The following ANXA1 variants were observed in gnomAD, a reference collection of about 807,000 sequenced individuals.
ANXA1 encodes the protein annexin A1.
Under a neutral mutation model 47.9 loss-of-function variants are expected in ANXA1, and 39 were observed. The observed-to-expected ratio is 0.81, with a 90% CI of 0.63 to 1.06. The LOEUF (loss-of-function observed/expected upper bound fraction) is 1.06. Among genes scored for constraint, ANXA1 ranks in the 50% least tolerant of loss-of-function variants. The pLI is 0.00. For missense variants in ANXA1, 446 were observed against 422.7 expected (o/e 1.06, Z -0.48); for synonymous variants, 146 against 142.5 (o/e 1.02, Z -0.17).
intron 1 of ANXA1, 73 bp from the exon 2 acceptor site, chr9:73,158,449 G>A (rs1824083650): frequency 1.8e-6 from 2 of 1,128,558 alleles, no homozygotes; most frequent in South Asian, 2.5e-5. Flanking sequence ...TCTTATGTAT[G>A]TAAGAGGTGA....
At chr9:73,155,413 T>G (rs1176119497) in intron 1 of ANXA1, among the ~76,000 whole-genome samples, 6 of 152,206 alleles carry the variant, frequency 3.9e-5, no homozygotes, top group African/African-American at 1.4e-4. Context: ...CTCATTGGCT[T>G]AGGCAGGTTT....
chr9:73,160,563 C>T (rs996888094), intron 5 of ANXA1, among the ~76,000 whole-genome samples, 187 bp downstream of exon 5: 1 of 152,080 alleles, frequency 6.6e-6, no homozygotes, highest in Non-Finnish European at 1.5e-5. Flanking sequence ...GGCACTAACA[C>T]CTTCCATGTC....
intron 10 of ANXA1, among the ~76,000 whole-genome samples, 157 bp downstream of exon 10, chr9:73,166,349 T>C (rs1824229922): frequency 6.6e-6 from 1 of 152,142 alleles, no homozygotes; most frequent in African/African-American, 2.4e-5. Flanking sequence ...CGTAAAAGAT[T>C]GGCAAAGTAC....
chr9:73,163,000 T>C (rs1824168898), intron 7 of ANXA1, 139 bp downstream of exon 7: 3 of 703,126 alleles, frequency 4.3e-6, no homozygotes, highest in Non-Finnish European at 7.0e-6. Flanking sequence ...AGGATTCTGA[T>C]GGCTAACAAA....
intron 10 of ANXA1, among the ~76,000 whole-genome samples, chr9:73,166,908 A>G (rs1824239084): frequency 6.6e-6 from 1 of 152,130 alleles, no homozygotes; most frequent in Non-Finnish European, 1.5e-5. Flanking sequence ...TCTGTTTTAT[A>G]TTTAAGCCCA....
chr9:73,164,793 A>G (rs539838195), intron 8 of ANXA1, among the ~76,000 whole-genome samples: 3 of 152,268 alleles, frequency 2.0e-5, no homozygotes, highest in Non-Finnish European at 4.4e-5. Context: ...TGAACAACAC[A>G]GAGTAAAAAA....
intron 11 of ANXA1, 65 bp downstream of exon 11, chr9:73,167,620 C>T: frequency 7.0e-7 from 1 of 1,423,006 alleles, no homozygotes; most frequent in Non-Finnish European, 9.7e-7. Context: ...GAACAGAAAA[C>T]CTCATGTTGT....
intron 8 of ANXA1, 48 bp downstream of exon 8, chr9:73,163,580 A>T (rs1412833601): frequency 6.3e-7 from 1 of 1,588,870 alleles, no homozygotes; most frequent in Non-Finnish European, 8.6e-7. Context: ...TTCCTACCTT[A>T]AGTGGGGCTA....
At position 73,170,083 on chromosome 9, in the gene ANXA1, G is replaced by T. The variant is rs147263644; in HGVS notation, c.1017G>T (p.Leu339=). 18 of 1,606,622 alleles carry T rather than the reference G, an allele frequency of 1.1e-5. No homozygotes were observed. Among genetic ancestry groups the T allele is most frequent in the South Asian group, 2.2e-5 (2 of 89,800 alleles). Residue 339 remains leucine, a synonymous_variant, in exon 13 of 13, where the codon CTG becomes CTT. Coordinates refer to ENST00000257497, the MANE Select transcript of ANXA1 (RefSeq NM_000700.3). ...CCAAAGGAGATTATGAGAAAATCCT[G>T]GTGGCTCTTTGTGGAGGAAACTAAA... is the stretch of plus-strand genomic sequence containing the variant. ...DETKGDYEKI[L]VALCGGN is the part of the protein sequence containing the mutation.
intron 1 of ANXA1, among the ~76,000 whole-genome samples, chr9:73,154,740 A>G (rs1824022681): frequency 6.6e-6 from 1 of 152,186 alleles, no homozygotes; most frequent in Admixed American, 6.5e-5. Flanking sequence ...TGCACAGCCA[A>G]AATATATAAC....
At position 73,163,485 on chromosome 9, in the gene ANXA1, T is replaced by G. The variant is rs777436816; in HGVS notation, c.565T>G (p.Ser189Ala). The G allele has an allele frequency of 1.2e-6, 2 of 1,612,942 alleles. No individual in the cohort carries two copies. The change falls in exon 8 of 13, where the codon TCT becomes GCT. Residue 189 changes from serine (S) to alanine (A), a missense_variant. By Grantham distance (99) the Ser-to-Ala change is moderately conservative (BLOSUM62 1). Transcript: ENST00000257497. ...ALLSLAKGDR[S>A]EDFGVNEDLA... Reference sequence around the variant, plus strand: ...ATGGGATTTCTTTCAGGGTGACCGATCTGAGGACTTTGGTGTGAATGAAGA... The same window carrying G: ...ATGGGATTTCTTTCAGGGTGACCGAGCTGAGGACTTTGGTGTGAATGAAGA...
chr9:73,166,067 C>T (rs752547254), intron 9 of ANXA1, 30 bp from the exon 10 acceptor site: 2 of 1,512,826 alleles, frequency 1.3e-6, no homozygotes, highest in Non-Finnish European at 9.0e-7. Flanking sequence ...GGATGTTTTG[C>T]ATGTATCTTA....
At chr9:73,167,127 T>C (rs1233032807) in intron 10 of ANXA1, among the ~76,000 whole-genome samples, 1 of 152,150 alleles carries the variant, frequency 6.6e-6, no homozygotes, top group African/African-American at 2.4e-5. Flanking sequence ...CTGTTGTTCA[T>C]AGGGTGTTCT....
At position 73,169,020 on chromosome 9, in the gene ANXA1, T is replaced by A. The variant is rs751648003; in HGVS notation, c.862-12T>A. 1.3e-5 allele frequency: 21 copies of A among 1,599,090 alleles called. No individual in the cohort carries two copies. In the Admixed American group the frequency reaches 2.7e-4, roughly 20 times the overall value. ...TGAATATGAGACACTTACCCTCATT[T>A]ATTTTGGCCAGGGTGTTGGAACTCG... On this transcript the variant is annotated splice_polypyrimidine_tract_variant and intron_variant, in intron 11 of 12. Transcript: ENST00000257497.
In ANXA1 at chr9:73,167,472, C is replaced by A. The variant is rs1367978208; in HGVS notation, c.803-25C>A. ...TTCATTTTTTTCATGGTAAATACAT[C>A]AACTAAAATTTTCTTCTCTAACAGT... On this transcript the variant is annotated intron_variant, in intron 10 of 12. Transcript: ENST00000257497. The A allele has an allele frequency of 1.9e-6, 3 of 1,604,106 alleles. No individual in the cohort carries two copies. The African/African-American group carries it at 4.0e-5, about 22-fold the overall frequency.
chr9:73,160,199 A>G, intron 4 of ANXA1, 64 bp from the exon 5 acceptor site: 1 of 1,172,798 alleles, frequency 8.5e-7, no homozygotes, highest in Admixed American at 2.6e-5. Context: ...GTCAGGTAAT[A>G]TCACATTTTT....
intron 1 of ANXA1, among the ~76,000 whole-genome samples, chr9:73,155,107 T>C (rs908803172): frequency 6.6e-6 from 1 of 152,176 alleles, no homozygotes; most frequent in Non-Finnish European, 1.5e-5. Flanking sequence ...ATTCAAATCA[T>C]AGATAAGCTG....
chr9:73,155,354 C>A (rs188874956), intron 1 of ANXA1, among the ~76,000 whole-genome samples: 1 of 152,180 alleles, frequency 6.6e-6, no homozygotes, highest in African/African-American at 2.4e-5. Context: ...CTATTGCAAG[C>A]TTTATACACT....
intron 10 of ANXA1, among the ~76,000 whole-genome samples, 179 bp from the exon 11 acceptor site, chr9:73,167,318 C>A (rs1167372989): frequency 2.0e-5 from 3 of 152,076 alleles, no homozygotes; most frequent in Non-Finnish European, 4.4e-5. Context: ...AAACCACCAT[C>A]TAGAGAGTCA....
Sources: allele counts gnomAD v4.1 joint callset (sites outside exome capture counted in the v4.1 genomes callset), GRCh38; gene constraint gnomAD v4.1.1; transcripts MANE v1.5; gene names NCBI Gene and HGNC (gene_info 2026-07-23, HGNC 2026-07-21).